The following NLGN1 variants were observed in gnomAD, a reference collection of about 807,000 sequenced individuals.
NLGN1 encodes the protein neuroligin 1.
NLGN1 carries 12 observed loss-of-function variants against 65.5 expected under a neutral mutation model. The ratio of observed to expected loss-of-function variants is 0.18; its 90% CI spans 0.12 to 0.30. NLGN1 has a LOEUF of 0.30. Among genes scored for constraint, NLGN1 ranks in the 10% least tolerant of loss-of-function variants. The probability of loss-of-function intolerance (pLI) is 1.00; values close to 1 mark genes in which losing one functional copy is unlikely to be tolerated. For missense variants in NLGN1, 750 were observed against 1,007.1 expected, an observed-to-expected ratio of 0.74 and a Z score of 3.46; for synonymous variants, 350 against 359.5, an observed-to-expected ratio of 0.97 and a Z score of 0.30.
At chr3:173,400,848 A>G (rs1050661600) in intron 1 of NLGN1, among the ~76,000 whole-genome samples, 15 of 152,366 alleles carry the variant, frequency 9.8e-5, no homozygotes, top group Admixed American at 2.0e-4. Context: ...TATTATTTAT[A>G]AATATATTTG....
At chr3:173,990,653 C>T (rs528355417) in intron 4 of NLGN1, among the ~76,000 whole-genome samples, 7 of 152,118 alleles carry the variant, frequency 4.6e-5, no homozygotes, top group Non-Finnish European at 8.8e-5. Context: ...GCAGTTCTAG[C>T]AGTATGTGCC....
At chr3:174,199,300 A>T (rs1734019943) in intron 4 of NLGN1, among the ~76,000 whole-genome samples, 3 of 151,922 alleles carry the variant, frequency 2.0e-5, no homozygotes. Context: ...TAAGTTTGTT[A>T]TGATGATTTA....
At chr3:173,621,961 A>G (rs756757010) in intron 3 of NLGN1, among the ~76,000 whole-genome samples, 13 of 152,222 alleles carry the variant, frequency 8.5e-5, no homozygotes, top group African/African-American at 1.4e-4. Flanking sequence ...AGTGTGTTCA[A>G]ATAAAATATT....
chr3:173,614,764 G>A (rs1464459102), intron 3 of NLGN1, among the ~76,000 whole-genome samples: 1 of 151,946 alleles, frequency 6.6e-6, no homozygotes, highest in Non-Finnish European at 1.5e-5. Context: ...TCACACATAT[G>A]TATATGGAGA....
At chr3:174,148,158 G>A (rs891426438) in intron 4 of NLGN1, among the ~76,000 whole-genome samples, 7 of 152,132 alleles carry the variant, frequency 4.6e-5, no homozygotes, top group African/African-American at 1.7e-4. Context: ...AGGAGTATGG[G>A]TATTTTCCCA....
At chr3:174,090,530 C>G (rs747825406) in intron 4 of NLGN1, among the ~76,000 whole-genome samples, 1 of 151,900 alleles carries the variant, frequency 6.6e-6, no homozygotes, top group Non-Finnish European at 1.5e-5. Context: ...TCCAGAAAGT[C>G]CCACCCGCAA....
chr3:173,883,815 T>C (rs1315014032), intron 4 of NLGN1, among the ~76,000 whole-genome samples: 1 of 77,802 alleles, frequency 1.3e-5, no homozygotes, highest in Admixed American at 1.8e-4. Context: ...GGAAACTTTC[T>C]TTTTTTTTTT....
chr3:173,761,763 T>C (rs1390630248), intron 3 of NLGN1, among the ~76,000 whole-genome samples: 23 of 152,090 alleles, frequency 1.5e-4, no homozygotes, highest in Non-Finnish European at 3.4e-4. Context: ...TTGGATGCTC[T>C]TTTTGTTCTT....
At chr3:173,648,372 G>A (rs915326916) in intron 3 of NLGN1, among the ~76,000 whole-genome samples, 1 of 152,112 alleles carries the variant, frequency 6.6e-6, no homozygotes, top group African/African-American at 2.4e-5. Flanking sequence ...GGAGATAAGA[G>A]ATAAGAAATA....
intron 2 of NLGN1, among the ~76,000 whole-genome samples, chr3:173,504,227 A>G (rs1358117003): frequency 6.6e-6 from 1 of 152,066 alleles, no homozygotes; most frequent in African/African-American, 2.4e-5. Flanking sequence ...GGCTATAGGT[A>G]ATGCTGGTTC....
intron 4 of NLGN1, among the ~76,000 whole-genome samples, chr3:174,161,183 G>A (rs1726436761): frequency 6.7e-6 from 1 of 148,920 alleles, no homozygotes; most frequent in Non-Finnish European, 1.5e-5. Context: ...CTCCAAATCT[G>A]TGATGGAAAA....
At chr3:173,956,449 T>C (rs190691595) in intron 4 of NLGN1, among the ~76,000 whole-genome samples, 73 of 152,276 alleles carry the variant, frequency 4.8e-4, no homozygotes, top group Non-Finnish European at 1.0e-3. Flanking sequence ...TTATATGTTA[T>C]TCTGGGAAAA....
At chr3:174,080,218 A>G (rs1356230437) in intron 4 of NLGN1, among the ~76,000 whole-genome samples, 1 of 152,166 alleles carries the variant, frequency 6.6e-6, no homozygotes, top group Non-Finnish European at 1.5e-5. Flanking sequence ...AACATAGAAT[A>G]AATTAACCCT....
At position 173,800,406 on chromosome 3, in the gene NLGN1, C is replaced by T. The variant is rs1578497584; in HGVS notation, c.494-7274C>T. The T allele has an allele frequency of 6.7e-6, 4 of 594,374 alleles. No homozygotes were observed. The East Asian group carries it at 2.6e-4, about 38-fold the overall frequency. 36.8% of individuals were successfully genotyped at this position (594,374 alleles called of 1,614,324 possible). On this transcript the variant is annotated intron_variant, in intron 3 of 6. Coordinates refer to ENST00000457714, the Ensembl canonical transcript of NLGN1. ...TGACAAGGGCCTCAATCACTTTTTC[C>T]ACCCCTTTCTATTTTTTTACTTCTT...
intron 4 of NLGN1, among the ~76,000 whole-genome samples, chr3:174,069,989 G>C (rs1221859508): frequency 6.6e-6 from 1 of 152,148 alleles, no homozygotes; most frequent in Admixed American, 6.5e-5. Context: ...GATTAAATGA[G>C]ATAGCTAATG....
intron 3 of NLGN1, among the ~76,000 whole-genome samples, chr3:173,798,770 C>G (rs1052870604): frequency 6.6e-6 from 1 of 151,964 alleles, no homozygotes; most frequent in African/African-American, 2.4e-5. Flanking sequence ...TTGAGGTAGT[C>G]AATGGGTTAC....
intron 4 of NLGN1, among the ~76,000 whole-genome samples, chr3:173,842,729 A>G (rs1018124420): frequency 6.6e-6 from 1 of 152,196 alleles, no homozygotes; most frequent in Non-Finnish European, 1.5e-5. Context: ...GTGACTTTAC[A>G]GGGTACAGCC....
chr3:174,099,720 T>C (rs1286256852), intron 4 of NLGN1, among the ~76,000 whole-genome samples: 1 of 152,152 alleles, frequency 6.6e-6, no homozygotes, highest in Non-Finnish European at 1.5e-5. Context: ...AAGGGAAGGC[T>C]TAATTAACTT....
At chr3:173,678,125 T>C (rs1241576324) in intron 3 of NLGN1, among the ~76,000 whole-genome samples, 1 of 152,112 alleles carries the variant, frequency 6.6e-6, no homozygotes, top group Non-Finnish European at 1.5e-5. Flanking sequence ...AAATACAATG[T>C]ATCTAGTCAA....
Sources: gnomAD v4.1 joint callset for allele counts (sites outside exome capture counted in the v4.1 genomes callset) on GRCh38, gnomAD v4.1.1 for gene constraint, MANE v1.5 for transcripts, NCBI Gene and HGNC (gene_info 2026-07-23, HGNC 2026-07-21) for gene names.